The following NELL1 variants were observed in gnomAD, a reference collection of about 807,000 sequenced individuals.
The protein encoded by NELL1 is neural EGFL like 1, also known as protein kinase C-binding protein NELL1.
In NELL1, 76 loss-of-function variants were observed where a neutral mutation model predicts 107.4. The ratio of observed to expected loss-of-function variants is 0.71; its 90% confidence interval spans 0.59 to 0.86. The LOEUF is 0.86. Among genes scored for constraint, NELL1 ranks in the 40% least tolerant of loss-of-function variants. The pLI is 0.00. For missense variants in NELL1, 1,024 were observed against 1,005.5 expected, an observed-to-expected ratio of 1.02 and a Z score of -0.25; for synonymous variants, 353 against 341.2, an observed-to-expected ratio of 1.03 and a Z score of -0.38.
intron 14 of NELL1, 90 bp downstream of exon 14, chr11:21,229,544 G>C: frequency 6.5e-7 from 1 of 1,545,344 alleles, no homozygotes; most frequent in East Asian, 2.3e-5. Flanking sequence ...GTAACTCTTG[G>C]TGGAACACAG....
chr11:20,804,076 T>TAA (rs1467417757), intron 3 of NELL1, among the ~76,000 whole-genome samples: 4 of 151,554 alleles, frequency 2.6e-5, no homozygotes, highest in Non-Finnish European at 5.9e-5. Flanking sequence ...TATATATATA[T>TAA]ATTCCATTAG....
chr11:21,404,490 A>C (rs950662857), intron 15 of NELL1, among the ~76,000 whole-genome samples: 3 of 151,872 alleles, frequency 2.0e-5, no homozygotes, highest in Non-Finnish European at 2.9e-5. Flanking sequence ...CTAGATTTTG[A>C]TTTGGGTTCA....
At chr11:21,290,155 G>C (rs1251028626) in intron 14 of NELL1, among the ~76,000 whole-genome samples, 4 of 152,072 alleles carry the variant, frequency 2.6e-5, no homozygotes, top group Non-Finnish European at 5.9e-5. Context: ...GGATCACGAG[G>C]TCAGGAGATC....
At chr11:21,124,891 G>A (rs1187083067) in intron 13 of NELL1, among the ~76,000 whole-genome samples, 2 of 152,098 alleles carry the variant, frequency 1.3e-5, no homozygotes, top group Non-Finnish European at 2.9e-5. Context: ...GTGAGCCACT[G>A]TGCCTGGCCA....
rs962530281 is a variant in NELL1 at position 21,492,517 on chromosome 11, C to T, written c.1646-41857C>T. 3.6e-3 allele frequency among the ~76,000 whole-genome samples: 546 copies of T among 151,616 alleles called. 3 individuals carry two copies. The highest frequency in any genetic ancestry group is 0.013 in the African/African-American group (520 of 41,366). ...AACCCAAATGTCCAACAATGATAGA[C>T]TGGATTAAGAAAATGTGGCACATAT... On this transcript the variant is annotated intron_variant, in intron 15 of 19. Coordinates refer to ENST00000357134, the MANE Select transcript of NELL1 (RefSeq NM_006157.5).
intron 14 of NELL1, chr11:21,260,116 G>A (rs142824749): frequency 6.6e-6 from 1 of 151,856 alleles, no homozygotes; most frequent in Admixed American, 6.6e-5. Flanking sequence ...TGTTAAAATA[G>A]TCTTATCACA....
At chr11:20,794,506 G>A (rs1460947176) in intron 3 of NELL1, among the ~76,000 whole-genome samples, 3 of 152,178 alleles carry the variant, frequency 2.0e-5, no homozygotes, top group Non-Finnish European at 4.4e-5. Flanking sequence ...GTATTGCCCT[G>A]GGTGTGCTAC....
chr11:20,849,695 T>A (rs1348613641), intron 4 of NELL1, among the ~76,000 whole-genome samples: 1 of 152,208 alleles, frequency 6.6e-6, no homozygotes, highest in Non-Finnish European at 1.5e-5. Context: ...AGTTAATGAT[T>A]CGTAGACTCT....
At chr11:21,498,336 TATATATATATAC>T (rs1406894896) in intron 15 of NELL1, among the ~76,000 whole-genome samples, 1 of 63,512 alleles carries the variant, frequency 1.6e-5, no homozygotes, top group East Asian at 2.7e-4. Context: ...AAACATATTA[TATATATATATAC>T]ATATATATAT....
intron 11 of NELL1, among the ~76,000 whole-genome samples, chr11:20,952,552 C>G (rs1851089742): frequency 6.6e-6 from 1 of 152,162 alleles, no homozygotes; most frequent in African/African-American, 2.4e-5. Context: ...AGAGTGTAAA[C>G]TAGTGCCTAA....
Position 21,505,495 on chromosome 11 carries a change from A to C in NELL1, c.1646-28879A>C, listed in dbSNP as rs79641017. Reference sequence around the variant, plus strand: ...ATTGAGTGGTCCCACTGTACTTTATAAACTCATCTCTTCCTCACCCTACTC... The same window carrying C: ...ATTGAGTGGTCCCACTGTACTTTATCAACTCATCTCTTCCTCACCCTACTC... On this transcript the variant is annotated intron_variant, in intron 15 of 19. Transcript: ENST00000357134. Among the ~76,000 whole-genome samples the C allele has an allele frequency of 8.2e-3, 1,256 of 152,272 alleles. 15 individuals are homozygous for C. Among genetic ancestry groups the C allele is most frequent in the African/African-American group, 0.028 (1,178 of 41,548 alleles).
At chr11:20,670,031 C>T (rs920870688) in intron 1 of NELL1, among the ~76,000 whole-genome samples, 1 of 152,186 alleles carries the variant, frequency 6.6e-6, no homozygotes, top group Non-Finnish European at 1.5e-5. Flanking sequence ...AGGGGCGCGG[C>T]CGAGTAGGCG....
chr11:21,000,916 A>G (rs1294529855), intron 12 of NELL1: 2 of 152,282 alleles, frequency 1.3e-5, no homozygotes, highest in African/African-American at 4.8e-5. Context: ...GAGGTCTCCC[A>G]TCCAAGTACT....
intron 15 of NELL1, among the ~76,000 whole-genome samples, chr11:21,489,872 C>T (rs1854753398): frequency 6.6e-6 from 1 of 152,086 alleles, no homozygotes; most frequent in Admixed American, 6.6e-5. Context: ...GAAAATTTTT[C>T]TTCCGAGATC....
chr11:20,859,564 C>T lies in NELL1; in HGVS notation c.506+11811C>T, dbSNP rs59318074. 3.9e-3 allele frequency among the ~76,000 whole-genome samples: 587 copies of T among 152,254 alleles called. 2 individuals carry two copies. Among genetic ancestry groups the T allele is most frequent in the African/African-American group, 0.014 (565 of 41,544 alleles). On this transcript the variant is annotated intron_variant, in intron 4 of 19. Coordinates refer to ENST00000357134, the MANE Select transcript of NELL1 (RefSeq NM_006157.5). ...GACGTTACACTAGTCTCCAGTGTTA[C>T]GTATGTGGTTTTACACTGCTCCAAT...
At chr11:20,921,916 C>T (rs1850387534) in intron 7 of NELL1, among the ~76,000 whole-genome samples, 2 of 151,480 alleles carry the variant, frequency 1.3e-5, no homozygotes, top group South Asian at 4.2e-4. Flanking sequence ...ATTTTCAAAC[C>T]AGATTGCTCA....
chr11:21,208,061 A>T (rs1857426843), intron 13 of NELL1, among the ~76,000 whole-genome samples: 1 of 152,090 alleles, frequency 6.6e-6, no homozygotes, highest in Admixed American at 6.6e-5. Flanking sequence ...GCTAAAATCT[A>T]TTTATTTAGC....
chr11:20,903,729 G>A (rs1223830988), intron 5 of NELL1, among the ~76,000 whole-genome samples: 1 of 152,084 alleles, frequency 6.6e-6, no homozygotes, highest in East Asian at 1.9e-4. Flanking sequence ...GTAGCTGGAT[G>A]TCAACAAAAT....
At chr11:20,692,976 T>G (rs1481350665) in intron 2 of NELL1, among the ~76,000 whole-genome samples, 1 of 152,188 alleles carries the variant, frequency 6.6e-6, no homozygotes, top group Non-Finnish European at 1.5e-5. Flanking sequence ...GCTCCTGTAT[T>G]GGGTGCATAT....
Sources: gnomAD v4.1 joint callset for allele counts (sites outside exome capture counted in the v4.1 genomes callset) on GRCh38, gnomAD v4.1.1 for gene constraint, MANE v1.5 for transcripts, NCBI Gene and HGNC (gene_info 2026-07-23, HGNC 2026-07-21) for gene names.